Variants in CCDC91 observed in about 807,000 individuals in gnomAD.
CCDC91 encodes the protein coiled-coil domain-containing protein 91.
CCDC91 carries 48 observed loss-of-function variants against 63.2 expected under a neutral mutation model. The ratio of observed to expected loss-of-function variants is 0.76; its 90% confidence interval spans 0.60 to 0.97. CCDC91 has a LOEUF of 0.97. Among genes scored for constraint, CCDC91 ranks in the 50% least tolerant of loss-of-function variants. The pLI is 0.00. For missense variants in CCDC91, 500 were observed against 494.6 expected, an observed-to-expected ratio of 1.01 and a Z score of -0.10; for synonymous variants, 167 against 165.8, an observed-to-expected ratio of 1.01 and a Z score of -0.06.
chr12:28,279,749 T>C (rs1424384606), intron 3 of CCDC91, among the ~76,000 whole-genome samples: 1 of 152,092 alleles, frequency 6.6e-6, no homozygotes, highest in Non-Finnish European at 1.5e-5. Flanking sequence ...TAGCACATTA[T>C]AAGTTTTGGT....
chr12:28,347,761 G>GA (rs774472021), intron 6 of CCDC91, among the ~76,000 whole-genome samples: 13 of 152,000 alleles, frequency 8.6e-5, no homozygotes, highest in Non-Finnish European at 1.6e-4. Context: ...TCAGGTAGGG[G>GA]AAAAAAAGAT....
chr12:28,350,180 A>C lies in CCDC91; in HGVS notation c.577-12258A>C, dbSNP rs1280733869. Among the ~76,000 whole-genome samples, 8 of 152,216 alleles carry C rather than the reference A, an allele frequency of 5.3e-5. 1 individual carries two copies. Among genetic ancestry groups the C allele is most frequent in the Non-Finnish European group, 1.2e-4 (8 of 68,016 alleles). The stretch of plus-strand genomic sequence containing the variant: ...AGCAAAACAAAACAAAACAAAACAG[A>C]AAACCTATACTCTTTTTCAGATATT... On this transcript the variant is annotated intron_variant, in intron 6 of 12. Coordinates refer to ENST00000536442, the MANE Select transcript of CCDC91 (RefSeq NM_018318.5).
At chr12:28,477,964 A>T (rs2140825036) in intron 11 of CCDC91, among the ~76,000 whole-genome samples, 1 of 151,962 alleles carries the variant, frequency 6.6e-6, no homozygotes, top group East Asian at 1.9e-4. Context: ...AAATAAAAGG[A>T]TACAAACAAA....
intron 12 of CCDC91, among the ~76,000 whole-genome samples, chr12:28,535,489 C>G (rs1003132749): frequency 6.6e-6 from 1 of 152,186 alleles, no homozygotes; most frequent in African/African-American, 2.4e-5. Context: ...AGAGAGGACA[C>G]TGCAGCAAAG....
At position 28,479,284 on chromosome 12, in the gene CCDC91, TA is replaced by T. The variant is rs1275046764; in HGVS notation, c.1102-4762del. Among the ~76,000 whole-genome samples the T allele has an allele frequency of 1.4e-4, 21 of 152,204 alleles. No individual in the cohort carries two copies. The South Asian group carries it at 3.9e-3, about 29-fold the overall frequency. Reference sequence around the variant, plus strand: ...TACACCATGGAATACTATGCAGCCATAAAAAAGGAAGAGTTCATGTCCTTTG... The same window carrying T: ...TACACCATGGAATACTATGCAGCCATAAAAAGGAAGAGTTCATGTCCTTTG... On this transcript the variant is annotated intron_variant, in intron 11 of 12. Transcript: ENST00000536442.
At chr12:28,393,201 C>T (rs1946056664) in intron 8 of CCDC91, among the ~76,000 whole-genome samples, 2 of 152,136 alleles carry the variant, frequency 1.3e-5, no homozygotes, top group African/African-American at 2.4e-5. Context: ...TATACCATTT[C>T]TGAACCTGCT....
At chr12:28,489,821 T>A (rs1158912563) in intron 12 of CCDC91, among the ~76,000 whole-genome samples, 1 of 151,906 alleles carries the variant, frequency 6.6e-6, no homozygotes, top group East Asian at 1.9e-4. Context: ...TATTAAAAGA[T>A]AATATTTAGA....
At chr12:28,281,444 C>T (rs1948605500) in intron 3 of CCDC91, among the ~76,000 whole-genome samples, 2 of 152,136 alleles carry the variant, frequency 1.3e-5, no homozygotes, top group Admixed American at 6.6e-5. Context: ...CTTTTTAAGA[C>T]CCTTCAAATG....
At position 28,549,268 on chromosome 12, in the gene CCDC91, C is replaced by G. The variant is rs1943190339; in HGVS notation, c.*95C>G. The G allele has an allele frequency of 1.4e-6, 1 of 699,284 alleles. No homozygotes were observed. The highest frequency in any genetic ancestry group is 1.8e-5 in the African/African-American group (1 of 55,650). 43.3% of individuals were successfully genotyped at this position (699,284 alleles called of 1,614,324 possible). On this transcript the variant is annotated 3_prime_UTR_variant, in exon 13 of 13. Transcript: ENST00000536442. Reference sequence around the variant, plus strand: ...TATAAAGATGTGTTTGTTTTCTTTCCAAATCATGTAGAATTGATTTCCAGT... The same window carrying G: ...TATAAAGATGTGTTTGTTTTCTTTCGAAATCATGTAGAATTGATTTCCAGT...
chr12:28,250,951 T>TGA (rs1403968753), intron 1 of CCDC91, among the ~76,000 whole-genome samples: 20 of 102,416 alleles, frequency 2.0e-4, no homozygotes, highest in Non-Finnish European at 2.0e-5. Context: ...CTTTAAGGTT[T>TGA]GAGTGTGTGT....
chr12:28,458,016 TTA>T (rs1266295154), intron 11 of CCDC91, among the ~76,000 whole-genome samples: 2 of 152,074 alleles, frequency 1.3e-5, no homozygotes, highest in Non-Finnish European at 2.9e-5. Flanking sequence ...TAATTTGGGG[TTA>T]TGTTTTCCCG....
chr12:28,217,331 A>G (rs983994644), intron 1 of CCDC91, among the ~76,000 whole-genome samples: 4 of 152,130 alleles, frequency 2.6e-5, no homozygotes, highest in Admixed American at 2.6e-4. Context: ...TAGTTTGCAA[A>G]TGAGCTAAGT....
At chr12:28,241,169 T>C (rs866876040) in intron 1 of CCDC91, among the ~76,000 whole-genome samples, 2 of 152,328 alleles carry the variant, frequency 1.3e-5, no homozygotes, top group South Asian at 4.1e-4. Context: ...TTTATTTGCT[T>C]AGTTGCTATC....
intron 7 of CCDC91, 99 bp downstream of exon 7, chr12:28,362,614 A>G: frequency 4.9e-6 from 3 of 616,586 alleles, no homozygotes; most frequent in Non-Finnish European, 8.0e-6. Flanking sequence ...TTATATGTGT[A>G]GTCTTATTTT....
intron 12 of CCDC91, among the ~76,000 whole-genome samples, chr12:28,537,766 G>A (rs1942292356): frequency 6.6e-6 from 1 of 152,156 alleles, no homozygotes; most frequent in South Asian, 2.1e-4. Flanking sequence ...ATGACTGGGG[G>A]AAGAAAACAA....
At chr12:28,428,564 C>T (rs1250003210) in intron 8 of CCDC91, among the ~76,000 whole-genome samples, 6 of 112,962 alleles carry the variant, frequency 5.3e-5, no homozygotes, top group Admixed American at 9.4e-5. Flanking sequence ...AGTGAAACTC[C>T]GTCTCTCCCC....
At chr12:28,454,182 T>C (rs1949952000) in intron 11 of CCDC91, among the ~76,000 whole-genome samples, 1 of 152,148 alleles carries the variant, frequency 6.6e-6, no homozygotes, top group Non-Finnish European at 1.5e-5. Flanking sequence ...TTTCAGGACA[T>C]TTATTTCTTT....
At chr12:28,368,988 C>G (rs1944443311) in intron 7 of CCDC91, among the ~76,000 whole-genome samples, 1 of 152,144 alleles carries the variant, frequency 6.6e-6, no homozygotes, top group Non-Finnish European at 1.5e-5. Context: ...ATGGGAATTA[C>G]AAATCAAGAT....
At chr12:28,431,948 C>T (rs569644964) in intron 8 of CCDC91, among the ~76,000 whole-genome samples, 194 of 152,092 alleles carry the variant, frequency 1.3e-3, no homozygotes, top group Non-Finnish European at 2.0e-3. Flanking sequence ...ATAGTTTTGC[C>T]TTTTCCAGAA....
Sources: gnomAD v4.1 joint callset for allele counts (sites outside exome capture counted in the v4.1 genomes callset) on GRCh38, gnomAD v4.1.1 for gene constraint, MANE v1.5 for transcripts, NCBI Gene and HGNC (gene_info 2026-07-23, HGNC 2026-07-21) for gene names.